PTPRZ1: variants seen among roughly 807,000 people sequenced by gnomAD.
PTPRZ1 encodes receptor-type tyrosine-protein phosphatase zeta.
Under a neutral mutation model 214.1 loss-of-function variants are expected in PTPRZ1, and 82 were observed. That is an observed-to-expected ratio of 0.38 (90% CI 0.32 to 0.46). PTPRZ1 has a LOEUF of 0.46. Ranked by LOEUF, PTPRZ1 falls within the 20% of genes least tolerant of loss-of-function variation. PTPRZ1 has a pLI of 1.00. For synonymous variants in PTPRZ1, 945 were observed against 987.9 expected (o/e 0.96, Z 0.81); for missense variants, 2,603 against 2,748.7 (o/e 0.95, Z 1.19).
At chr7:122,004,573 G>C in intron 10 of PTPRZ1, 41 bp from the exon 11 acceptor site, 1 of 1,120,566 alleles carries the variant, frequency 8.9e-7, no homozygotes. Context: ...GGCCGAAATA[G>C]TTGAATAAAA....
chr7:121,953,260 T>C (rs1343829879), intron 2 of PTPRZ1, among the ~76,000 whole-genome samples: 4 of 152,232 alleles, frequency 2.6e-5, no homozygotes, highest in Non-Finnish European at 5.9e-5. Context: ...AGACTGTTTG[T>C]TACAAATTGC....
At chr7:122,036,475 A>G (rs1799538570) in intron 17 of PTPRZ1, 125 bp from the exon 18 acceptor site, 1 of 675,780 alleles carries the variant, frequency 1.5e-6, no homozygotes, top group South Asian at 2.0e-5. Flanking sequence ...CAAAAAGCCT[A>G]TGAAAGTAAA....
chr7:121,932,543 G>A (rs1327321187), intron 2 of PTPRZ1, among the ~76,000 whole-genome samples: 1 of 152,040 alleles, frequency 6.6e-6, no homozygotes, highest in Non-Finnish European at 1.5e-5. Flanking sequence ...TTCCCATATT[G>A]TCTCATCATT....
At chr7:121,958,377 C>T (rs1326640366) in intron 2 of PTPRZ1, among the ~76,000 whole-genome samples, 2 of 152,154 alleles carry the variant, frequency 1.3e-5, no homozygotes, top group African/African-American at 2.4e-5. Flanking sequence ...ATACCATTTT[C>T]TCCTGGGTTT....
At chr7:121,911,700 G>A (rs137922337) in intron 1 of PTPRZ1, among the ~76,000 whole-genome samples, 85 of 151,914 alleles carry the variant, frequency 5.6e-4, no homozygotes, top group Middle Eastern at 3.4e-3. Flanking sequence ...AGGAAGGTAT[G>A]GTTGTAAAAG....
intron 1 of PTPRZ1, among the ~76,000 whole-genome samples, chr7:121,900,006 T>C (rs1160965766): frequency 6.6e-6 from 1 of 152,048 alleles, no homozygotes; most frequent in Non-Finnish European, 1.5e-5. Flanking sequence ...GCCCAGTCAA[T>C]AGATACTCTC....
At position 122,019,101 on chromosome 7, in the gene PTPRZ1, C is replaced by A. The variant is rs181741562; in HGVS notation, c.4844-23C>A. The A allele has an allele frequency of 7.2e-5, 114 of 1,577,810 alleles. 1 individual carries two copies. The East Asian group carries it at 2.4e-3, about 33-fold the overall frequency. ...TTTTCCTTCACCTTAAATATCAATT[C>A]TCTCAATTTTCTCTGACTACAGAGG... On this transcript the variant is annotated intron_variant, in intron 12 of 29. Coordinates refer to ENST00000393386, the MANE Select transcript of PTPRZ1 (RefSeq NM_002851.3).
intron 8 of PTPRZ1, among the ~76,000 whole-genome samples, chr7:121,984,618 A>G (rs1379150327): frequency 6.6e-6 from 1 of 152,186 alleles, no homozygotes; most frequent in African/African-American, 2.4e-5. Flanking sequence ...GGCAGCCCCC[A>G]AGAAGGAGCC....
chr7:122,006,651 G>A (rs1798495081), intron 11 of PTPRZ1, among the ~76,000 whole-genome samples: 1 of 151,926 alleles, frequency 6.6e-6, no homozygotes, highest in South Asian at 2.1e-4. Flanking sequence ...AGATCTTCCT[G>A]TTAGAGAAGA....
chr7:121,921,406 G>A (rs1795593537), intron 1 of PTPRZ1, among the ~76,000 whole-genome samples: 1 of 152,064 alleles, frequency 6.6e-6, no homozygotes, highest in African/African-American at 2.4e-5. Flanking sequence ...TTAATTGGAT[G>A]TCTCACTACC....
intron 2 of PTPRZ1, among the ~76,000 whole-genome samples, chr7:121,960,524 ATTT>A: frequency 6.6e-6 from 1 of 152,202 alleles, no homozygotes; most frequent in Middle Eastern, 3.2e-3. Flanking sequence ...CAACATTGAG[ATTT>A]TTATTATATA....
At chr7:122,019,829 C>T (rs997622109) in intron 13 of PTPRZ1, among the ~76,000 whole-genome samples, 11 of 152,104 alleles carry the variant, frequency 7.2e-5, no homozygotes, top group African/African-American at 2.4e-4. Flanking sequence ...AATATAGCTT[C>T]GCTGTCAATA....
At chr7:122,009,968 CT>C (rs1382227299) in intron 11 of PTPRZ1, among the ~76,000 whole-genome samples, 3 of 152,056 alleles carry the variant, frequency 2.0e-5, no homozygotes, top group Admixed American at 1.3e-4. Flanking sequence ...GGCTATTTAC[CT>C]TGATGCCTGA....
Position 121,996,371 on chromosome 7 carries a change from T to G in PTPRZ1, c.929-11T>G. 1 of 1,575,002 alleles carries G rather than the reference T, an allele frequency of 6.3e-7. No individual in the cohort carries two copies. The highest frequency in any genetic ancestry group is 8.6e-7 in the Non-Finnish European group (1 of 1,159,894). On this transcript the variant is annotated splice_polypyrimidine_tract_variant and intron_variant, in intron 8 of 29. Coordinates refer to ENST00000393386, the MANE Select transcript of PTPRZ1 (RefSeq NM_002851.3). ...AGTTCTATCAACAACTGTACTTTTTTCTCTCTGAAGTTTGTAGTTCAGAAC... is the reference window on the plus strand; with the variant it reads ...AGTTCTATCAACAACTGTACTTTTTGCTCTCTGAAGTTTGTAGTTCAGAAC...
intron 2 of PTPRZ1, among the ~76,000 whole-genome samples, chr7:121,943,199 T>C (rs1046904131): frequency 2.6e-5 from 4 of 152,196 alleles, no homozygotes; most frequent in African/African-American, 9.7e-5. Flanking sequence ...TAATTAAATA[T>C]TGTGTTAGTG....
At chr7:121,898,213 T>C (rs1234573757) in intron 1 of PTPRZ1, among the ~76,000 whole-genome samples, 2 of 151,668 alleles carry the variant, frequency 1.3e-5, no homozygotes, top group African/African-American at 4.8e-5. Flanking sequence ...TCCTACTCAC[T>C]GAATTCACTT....
At chr7:122,036,800 A>G (rs916156808) in intron 18 of PTPRZ1, 118 bp downstream of exon 18, 16 of 662,328 alleles carry the variant, frequency 2.4e-5, no homozygotes, top group Non-Finnish European at 3.2e-5. Context: ...GATAGAGAAT[A>G]AAAATGGTAA....
chr7:122,036,506 A>T, intron 17 of PTPRZ1, 94 bp from the exon 18 acceptor site: 1 of 851,344 alleles, frequency 1.2e-6, no homozygotes, highest in Non-Finnish European at 1.8e-6. Context: ...TGTTGATTTT[A>T]ATTGAATGAA....
intron 12 of PTPRZ1, among the ~76,000 whole-genome samples, chr7:122,014,524 C>T (rs998422101): frequency 5.9e-5 from 9 of 152,168 alleles, no homozygotes; most frequent in Middle Eastern, 3.4e-3. Context: ...CTACAAGCTC[C>T]GCCTCCCAGG....
Sources: allele counts gnomAD v4.1 joint callset (sites outside exome capture counted in the v4.1 genomes callset), GRCh38; gene constraint gnomAD v4.1.1; transcripts MANE v1.5; gene names NCBI Gene and HGNC (gene_info 2026-07-23, HGNC 2026-07-21).